PTPRD: variants seen among roughly 807,000 people sequenced by gnomAD.
PTPRD encodes receptor-type tyrosine-protein phosphatase delta.
PTPRD carries 34 observed loss-of-function variants against 214.5 expected under a neutral mutation model. The ratio of observed to expected loss-of-function variants is 0.16; its 90% CI spans 0.12 to 0.21. The LOEUF (loss-of-function observed/expected upper bound fraction) is 0.21, where lower values mean the gene tolerates loss of function less well. PTPRD is among the 10% of genes least tolerant of loss of function. The pLI is 1.00. For synonymous variants in PTPRD, 1,128 were observed against 845.7 expected (o/e 1.33, Z -5.79); for missense variants, 2,545 against 2,398.7 (o/e 1.06, Z -1.27).
intron 7 of PTPRD, among the ~76,000 whole-genome samples, chr9:9,636,301 T>C (rs1472400205): frequency 6.6e-6 from 1 of 152,178 alleles, no homozygotes; most frequent in African/African-American, 2.4e-5. Flanking sequence ...TAGTTTGCAT[T>C]TGTAATTTTA....
At chr9:10,182,185 G>A (rs1204394536) in intron 3 of PTPRD, among the ~76,000 whole-genome samples, 2 of 147,818 alleles carry the variant, frequency 1.4e-5, no homozygotes, top group Non-Finnish European at 3.0e-5. Flanking sequence ...GCTTGAACTA[G>A]GGAGGCAGAG....
At chr9:10,581,680 C>T (rs2071870172) in intron 2 of PTPRD, among the ~76,000 whole-genome samples, 1 of 152,154 alleles carries the variant, frequency 6.6e-6, no homozygotes, top group South Asian at 2.1e-4. Context: ...AGACAACTCG[C>T]TTGCTGTGTT....
intron 17 of PTPRD, chr9:8,525,265 T>C (rs991898622): frequency 1.2e-5 from 8 of 644,532 alleles, no homozygotes; most frequent in Non-Finnish European, 2.0e-5. Context: ...TCAATATCTC[T>C]TTTCCCAAGC....
At chr9:8,639,751 A>T (rs1158942094) in intron 12 of PTPRD, among the ~76,000 whole-genome samples, 3 of 152,202 alleles carry the variant, frequency 2.0e-5, no homozygotes, top group Admixed American at 2.0e-4. Context: ...CCTAAATTAG[A>T]AAGCTCATCT....
rs555587955 is a variant in PTPRD, at chr9:10,165,390, C to T, written c.-544-131600G>A. Reference sequence around the variant, plus strand: ...AGAATCACCAAAACTTGTTAACTTGCAGGATTTCTAAGTTAAAACAGAATG... The same window carrying T: ...AGAATCACCAAAACTTGTTAACTTGTAGGATTTCTAAGTTAAAACAGAATG... On this transcript the variant is annotated intron_variant, in intron 3 of 45. Transcript: ENST00000381196. Among the ~76,000 whole-genome samples, 52 of 151,754 alleles carry T rather than the reference C, an allele frequency of 3.4e-4. 2 individuals are homozygous for T. The South Asian group carries it at 0.011, about 31-fold the overall frequency.
intron 3 of PTPRD, among the ~76,000 whole-genome samples, chr9:10,220,725 T>A (rs566989463): frequency 9.2e-5 from 14 of 151,862 alleles, no homozygotes; most frequent in Non-Finnish European, 1.8e-4. Context: ...AAGATATATA[T>A]TGCATATGCT....
At chr9:10,154,002 T>C (rs777308825) in intron 3 of PTPRD, among the ~76,000 whole-genome samples, 58 of 152,220 alleles carry the variant, frequency 3.8e-4, no homozygotes, top group Non-Finnish European at 7.5e-4. Context: ...GTATACCCAG[T>C]AAAGGAGTTG....
At chr9:9,129,597 A>G (rs915888565) in intron 10 of PTPRD, among the ~76,000 whole-genome samples, 2 of 152,152 alleles carry the variant, frequency 1.3e-5, no homozygotes, top group East Asian at 1.9e-4. Context: ...ATATCACTAT[A>G]GGTAATATGC....
At chr9:9,970,853 G>C (rs774134843) in intron 4 of PTPRD, among the ~76,000 whole-genome samples, 7 of 152,150 alleles carry the variant, frequency 4.6e-5, no homozygotes, top group Non-Finnish European at 8.8e-5. Context: ...TGTCACACTG[G>C]AACATGGCGC....
intron 10 of PTPRD, among the ~76,000 whole-genome samples, chr9:9,137,062 T>C (rs1416645925): frequency 1.3e-5 from 2 of 152,168 alleles, no homozygotes; most frequent in African/African-American, 4.8e-5. Context: ...AGCCCCACTT[T>C]ACATGATTTC....
chr9:9,936,394 C>T (rs964530151), intron 5 of PTPRD, among the ~76,000 whole-genome samples: 6 of 151,802 alleles, frequency 4.0e-5, no homozygotes, highest in African/African-American at 1.2e-4. Context: ...AAAAAACAAC[C>T]CAATTAAAAA....
At chr9:8,480,187 T>C (rs1354901481) in intron 30 of PTPRD, among the ~76,000 whole-genome samples, 1 of 152,204 alleles carries the variant, frequency 6.6e-6, no homozygotes, top group Non-Finnish European at 1.5e-5. Flanking sequence ...GGTAGACAAG[T>C]ACAACGTGGC....
intron 11 of PTPRD, among the ~76,000 whole-genome samples, chr9:8,819,070 A>C (rs1324879434): frequency 6.6e-6 from 1 of 152,236 alleles, no homozygotes; most frequent in African/African-American, 2.4e-5. Context: ...GTTTAACAAG[A>C]GATCAACTTT....
At chr9:9,259,379 G>A (rs772469134) in intron 9 of PTPRD, among the ~76,000 whole-genome samples, 2 of 151,830 alleles carry the variant, frequency 1.3e-5, no homozygotes, top group Non-Finnish European at 2.9e-5. Context: ...ATTTAGTAAT[G>A]TGCTTACAGG....
At chr9:10,361,174 G>T (rs979497381) in intron 2 of PTPRD, among the ~76,000 whole-genome samples, 1 of 152,166 alleles carries the variant, frequency 6.6e-6, no homozygotes, top group African/African-American at 2.4e-5. Flanking sequence ...GTATTGAGAA[G>T]ATTGGCATTG....
chr9:9,009,171 C>T (rs921624390), intron 11 of PTPRD, among the ~76,000 whole-genome samples: 10 of 151,942 alleles, frequency 6.6e-5, no homozygotes, highest in African/African-American at 2.4e-4. Flanking sequence ...ATATCTATCT[C>T]AATATTTTGT....
At chr9:10,152,100 G>A (rs912305184) in intron 3 of PTPRD, among the ~76,000 whole-genome samples, 11 of 152,234 alleles carry the variant, frequency 7.2e-5, no homozygotes, top group African/African-American at 2.4e-4. Flanking sequence ...GTTCAACTGT[G>A]CAATAAACTG....
intron 8 of PTPRD, among the ~76,000 whole-genome samples, chr9:9,422,745 G>C (rs1322486306): frequency 6.6e-6 from 1 of 152,260 alleles, no homozygotes; most frequent in East Asian, 1.9e-4. Context: ...GAGGGATTGA[G>C]ATCCTGACGA....
chr9:8,376,115 A>C, intron 38 of PTPRD, 25 bp from the exon 39 acceptor site: 1 of 1,610,204 alleles, frequency 6.2e-7, no homozygotes, highest in South Asian at 1.1e-5. Context: ...TATCAGCTGA[A>C]ATTCTGTTTT....
Sources: gnomAD v4.1 joint callset for allele counts (sites outside exome capture counted in the v4.1 genomes callset) on GRCh38, gnomAD v4.1.1 for gene constraint, MANE v1.5 for transcripts, NCBI Gene and HGNC (gene_info 2026-07-23, HGNC 2026-07-21) for gene names.